The following CNTLN variants were observed in gnomAD, a reference collection of about 807,000 sequenced individuals.
CNTLN encodes centlein.
CNTLN carries 212 observed loss-of-function variants against 180.0 expected under a neutral mutation model. The ratio of observed to expected loss-of-function variants is 1.18; its 90% confidence interval spans 1.05 to 1.32. The LOEUF (loss-of-function observed/expected upper bound fraction) is 1.32. Ranked by LOEUF, CNTLN falls within the 40% of genes most tolerant of loss-of-function variation. The probability of loss-of-function intolerance (pLI) is 0.00; values close to 1 mark genes in which losing one functional copy is unlikely to be tolerated. For synonymous variants in CNTLN, 722 were observed against 563.1 expected, an observed-to-expected ratio of 1.28 and a Z score of -3.99; for missense variants, 2,095 against 1,610.9, an observed-to-expected ratio of 1.30 and a Z score of -5.14.
intron 6 of CNTLN, among the ~76,000 whole-genome samples, chr9:17,283,288 T>C (rs776328592): frequency 6.6e-6 from 1 of 152,168 alleles, no homozygotes; most frequent in African/African-American, 2.4e-5. Flanking sequence ...TAGTTCTCCT[T>C]GAAGAGGTCC....
At chr9:17,335,643 A>C (rs1820963364) in intron 10 of CNTLN, among the ~76,000 whole-genome samples, 1 of 152,126 alleles carries the variant, frequency 6.6e-6, no homozygotes, top group Non-Finnish European at 1.5e-5. Flanking sequence ...TTGTTCGTAC[A>C]CAGAAAGAGC....
chr9:17,165,428 G>T lies in CNTLN; in HGVS notation c.449+22052G>T, dbSNP rs531817233. ...TTAGTAAATTCTAGAATGATGTAAG[G>T]TGAATTGATAAGTGGTAACTGACTT... On this transcript the variant is annotated intron_variant, in intron 2 of 25. Transcript: ENST00000380647. 2.6e-5 allele frequency among the ~76,000 whole-genome samples: 4 copies of T among 152,284 alleles called. No homozygotes were observed. In the East Asian group the frequency reaches 7.7e-4, roughly 29 times the overall value.
chr9:17,159,016 C>T (rs995224201), intron 2 of CNTLN, among the ~76,000 whole-genome samples: 3 of 151,980 alleles, frequency 2.0e-5, no homozygotes, highest in South Asian at 2.1e-4. Flanking sequence ...AGCTGCATTT[C>T]GTAAGTTGTT....
chr9:17,312,387 T>TATATATA (rs1554686030), intron 8 of CNTLN, among the ~76,000 whole-genome samples: 3 of 104,900 alleles, frequency 2.9e-5, no homozygotes, highest in Non-Finnish European at 4.1e-5. Context: ...TATATATAAT[T>TATATATA]TATTTATTTA....
chr9:17,284,695 T>C (rs1161840927), intron 6 of CNTLN, among the ~76,000 whole-genome samples: 1 of 152,146 alleles, frequency 6.6e-6, no homozygotes, highest in Admixed American at 6.6e-5. Flanking sequence ...ATTAATTTTT[T>C]CAACAAACGG....
At chr9:17,358,400 G>A (rs924380809) in intron 12 of CNTLN, among the ~76,000 whole-genome samples, 8 of 152,122 alleles carry the variant, frequency 5.3e-5, no homozygotes, top group Admixed American at 2.0e-4. Context: ...ATTTCTAAGT[G>A]TAAAATGTTT....
chr9:17,340,721 A>G, intron 10 of CNTLN, 106 bp from the exon 11 acceptor site: 1 of 872,812 alleles, frequency 1.1e-6, no homozygotes, highest in East Asian at 3.2e-5. Context: ...ATGTTTACAC[A>G]CTATTTTCTT....
intron 2 of CNTLN, among the ~76,000 whole-genome samples, chr9:17,149,549 G>T (rs1231774710): frequency 8.2e-6 from 1 of 122,014 alleles, no homozygotes; most frequent in Non-Finnish European, 1.6e-5. Context: ...ACTGGGTCTC[G>T]CTCTGTCGCC....
At chr9:17,284,031 G>GT in intron 6 of CNTLN, among the ~76,000 whole-genome samples, 1 of 138,266 alleles carries the variant, frequency 7.2e-6, no homozygotes, top group Non-Finnish European at 1.6e-5. Flanking sequence ...TTGTTTGTTT[G>GT]TTTTTTTGAG....
intron 8 of CNTLN, among the ~76,000 whole-genome samples, chr9:17,325,923 C>T (rs1244354008): frequency 6.6e-6 from 1 of 151,896 alleles, no homozygotes; most frequent in East Asian, 1.9e-4. Context: ...ATGTATTAGG[C>T]AATATTCAGT....
chr9:17,512,980 C>A, the CNTLN span, among the ~76,000 whole-genome samples: 1 of 152,032 alleles, frequency 6.6e-6, no homozygotes, highest in Non-Finnish European at 1.5e-5. Flanking sequence ...CTATGCCCAG[C>A]TAATTTTTTT....
intron 18 of CNTLN, among the ~76,000 whole-genome samples, chr9:17,427,920 A>C (rs1345226372): frequency 6.6e-6 from 1 of 152,184 alleles, no homozygotes; most frequent in East Asian, 1.9e-4. Flanking sequence ...ATGAAGTATA[A>C]TGGGAACACA....
rs1053463605 is a variant in CNTLN, at chr9:17,290,823, C to T, written c.984-7367C>T. Among the ~76,000 whole-genome samples, 9 of 152,304 alleles carry T rather than the reference C, an allele frequency of 5.9e-5. No homozygotes were observed. The South Asian group carries it at 1.0e-3, about 18-fold the overall frequency. The stretch of plus-strand genomic sequence containing the variant: ...TGACTCGGAAAGGGAACTCCCTGAT[C>T]CCTCGCGCTTCCCAGGTGAGGCAAT... On this transcript the variant is annotated intron_variant, in intron 6 of 25. Transcript: ENST00000380647.
chr9:17,416,882 T>G (rs927924729), intron 18 of CNTLN, among the ~76,000 whole-genome samples: 2 of 150,982 alleles, frequency 1.3e-5, no homozygotes, highest in African/African-American at 5.0e-5. Context: ...ACAGAAAAAT[T>G]TATTTCATTA....
intron 2 of CNTLN, among the ~76,000 whole-genome samples, chr9:17,148,929 C>CA (rs750362753): frequency 3.9e-5 from 6 of 152,168 alleles, no homozygotes; most frequent in Non-Finnish European, 5.9e-5. Flanking sequence ...ATCAACCTGT[C>CA]ACCTACATTA....
chr9:17,263,996 C>G (rs1587396278), intron 5 of CNTLN, among the ~76,000 whole-genome samples: 2 of 145,486 alleles, frequency 1.4e-5, no homozygotes, highest in African/African-American at 5.3e-5. Flanking sequence ...TGTAGGTTGC[C>G]TGTTCACTCT....
At chr9:17,150,210 C>G (rs917560738) in intron 2 of CNTLN, among the ~76,000 whole-genome samples, 63 of 152,326 alleles carry the variant, frequency 4.1e-4, no homozygotes, top group African/African-American at 1.3e-3. Flanking sequence ...GTGTTTTGGA[C>G]ATGAAGTCTT....
chr9:17,445,297 C>T (rs561282007), intron 18 of CNTLN, among the ~76,000 whole-genome samples: 1 of 152,044 alleles, frequency 6.6e-6, no homozygotes, highest in East Asian at 1.9e-4. Context: ...TTCATCCAAG[C>T]ACTTTATTTG....
chr9:17,430,369 G>A (rs1324629704), intron 18 of CNTLN, among the ~76,000 whole-genome samples: 2 of 151,696 alleles, frequency 1.3e-5, no homozygotes, highest in South Asian at 2.1e-4. Context: ...CATACTATTT[G>A]AAAACTCTCT....
Sources: allele counts gnomAD v4.1 joint callset (sites outside exome capture counted in the v4.1 genomes callset), GRCh38; gene constraint gnomAD v4.1.1; transcripts MANE v1.5; gene names NCBI Gene and HGNC (gene_info 2026-07-23, HGNC 2026-07-21).